PKHD1L1: variants seen among roughly 807,000 people sequenced by gnomAD.
PKHD1L1 encodes fibrocystin-L.
PKHD1L1 carries 434 observed loss-of-function variants against 462.9 expected under a neutral mutation model. That is an observed-to-expected ratio of 0.94 (90% CI 0.87 to 1.02). PKHD1L1 has a LOEUF of 1.02. PKHD1L1 is among the 50% of genes least tolerant of loss of function. PKHD1L1 has a pLI of 0.00. For missense variants in PKHD1L1, 5,202 were observed against 5,096.1 expected, an observed-to-expected ratio of 1.02 and a Z score of -0.63; for synonymous variants, 1,781 against 1,750.0, an observed-to-expected ratio of 1.02 and a Z score of -0.44.
intron 67 of PKHD1L1, among the ~76,000 whole-genome samples, chr8:109,502,658 G>A (rs1257016455): frequency 6.6e-6 from 1 of 152,202 alleles, no homozygotes; most frequent in Non-Finnish European, 1.5e-5. Flanking sequence ...AACCACCATA[G>A]TTTCCTTTTC....
At chr8:109,470,917 G>T in intron 50 of PKHD1L1, 1 of 1,592,650 alleles carries the variant, frequency 6.3e-7, no homozygotes, top group Non-Finnish European at 8.6e-7. Flanking sequence ...CCTGGGGAGA[G>T]AGAAATGAGG....
intron 40 of PKHD1L1, 147 bp downstream of exon 40, chr8:109,449,634 A>G (rs1816371150): frequency 1.7e-6 from 1 of 605,236 alleles, no homozygotes; most frequent in South Asian, 4.4e-5. Flanking sequence ...TCTTCAGGAC[A>G]TTTTCTAGAT....
intron 6 of PKHD1L1, among the ~76,000 whole-genome samples, chr8:109,388,103 C>T (rs1260472555): frequency 6.6e-6 from 1 of 152,116 alleles, no homozygotes; most frequent in Non-Finnish European, 1.5e-5. Flanking sequence ...TAGTACAAAA[C>T]CTATTACAAA....
rs780258763 is a variant in PKHD1L1 at position 109,396,070 on chromosome 8, C to T, written c.855C>T (p.Gly285=). Residue 285 remains glycine (G), a synonymous_variant, in exon 11 of 78, where the codon GGC becomes GGT. Transcript: ENST00000378402. The part of the protein sequence containing the change: ...IFPSQGSIRG[G]TTLTISGRFF... ...CTTCACAAGGAAGCATTCGAGGTGG[C>T]ACCACGCTGACAATAAGTGGGCGTT... The T allele has an allele frequency of 6.2e-7, 1 of 1,608,542 alleles. No individual in the cohort carries two copies. Among genetic ancestry groups the T allele is most frequent in the Non-Finnish European group, 8.5e-7 (1 of 1,177,654 alleles).
At chr8:109,496,783 G>C (rs559947700) in intron 63 of PKHD1L1, 136 bp from the exon 64 acceptor site, 9 of 891,886 alleles carry the variant, frequency 1.0e-5, no homozygotes, top group African/African-American at 3.4e-5. Context: ...AAAAATATTT[G>C]ATCATATTAA....
intron 45 of PKHD1L1, 131 bp downstream of exon 45, chr8:109,454,983 A>T: frequency 8.2e-7 from 1 of 1,222,766 alleles, no homozygotes; most frequent in Non-Finnish European, 1.1e-6. Context: ...ATGTCTTTAG[A>T]TATCCCCTCT....
At chr8:109,463,028 G>A (rs904959033) in intron 48 of PKHD1L1, among the ~76,000 whole-genome samples, 1 of 151,960 alleles carries the variant, frequency 6.6e-6, no homozygotes, top group Non-Finnish European at 1.5e-5. Context: ...TAGGATATCT[G>A]TTTTTATTTA....
intron 62 of PKHD1L1, among the ~76,000 whole-genome samples, 169 bp from the exon 63 acceptor site, chr8:109,493,491 CA>C (rs1369302817): frequency 6.6e-6 from 1 of 151,610 alleles, no homozygotes; most frequent in African/African-American, 2.4e-5. Flanking sequence ...GGTGTAATTT[CA>C]TCATTTGTAA....
At chr8:109,493,191 T>C (rs1818918041) in intron 62 of PKHD1L1, among the ~76,000 whole-genome samples, 1 of 148,218 alleles carries the variant, frequency 6.7e-6, no homozygotes, top group African/African-American at 2.4e-5. Flanking sequence ...ATATATATGT[T>C]ATATGTATTC....
chr8:109,490,961 A>G lies in PKHD1L1; in HGVS notation c.9985-11A>G, dbSNP rs200804614. On this transcript the variant is annotated splice_polypyrimidine_tract_variant and intron_variant, in intron 60 of 77. Coordinates refer to ENST00000378402, the MANE Select transcript of PKHD1L1 (RefSeq NM_177531.6). ...TTTTAAAAATGTTCTCTGTATCCCA[A>G]TGTTGTATAGATTCAAGAACATGGC... 1.1e-4 allele frequency: 175 copies of G among 1,592,746 alleles called. No homozygotes were observed. The highest frequency in any genetic ancestry group is 9.1e-5 in the South Asian group (8 of 87,454).
At chr8:109,483,185 G>T (rs1818357048) in intron 57 of PKHD1L1, 80 bp downstream of exon 57, 2 of 951,408 alleles carry the variant, frequency 2.1e-6, no homozygotes, top group South Asian at 2.5e-5. Context: ...ACTCTCATGG[G>T]CATTCATTTT....
chr8:109,404,939 CT>C, intron 15 of PKHD1L1, 55 bp from the exon 16 acceptor site: 1 of 1,237,936 alleles, frequency 8.1e-7, no homozygotes, highest in Non-Finnish European at 1.1e-6. Context: ...AATTATGATG[CT>C]TTTAAGATAT....
At chr8:109,396,436 A>G (rs1344574167) in intron 11 of PKHD1L1, among the ~76,000 whole-genome samples, 1 of 152,142 alleles carries the variant, frequency 6.6e-6, no homozygotes, top group Non-Finnish European at 1.5e-5. Flanking sequence ...TTAAGGACAC[A>G]CCTACCCTTA....
chr8:109,448,012 A>G, intron 38 of PKHD1L1, 131 bp from the exon 39 acceptor site: 1 of 756,008 alleles, frequency 1.3e-6, no homozygotes, highest in Non-Finnish European at 2.1e-6. Context: ...CATAGCATGT[A>G]TTGTTAATAT....
chr8:109,420,010 G>T (rs1399950470), intron 22 of PKHD1L1, among the ~76,000 whole-genome samples: 2 of 152,078 alleles, frequency 1.3e-5, no homozygotes, highest in African/African-American at 4.8e-5. Flanking sequence ...GTATAAGACA[G>T]ATGGATTGTG....
Position 109,491,092 on chromosome 8 carries a change from G to T in PKHD1L1, c.10105G>T (p.Val3369Leu). 3 of 1,607,624 alleles carry T rather than the reference G, an allele frequency of 1.9e-6. No homozygotes were observed. Residue 3369 changes from valine (V) to leucine (L), a missense_variant, in exon 61 of 78, where the codon GTG becomes TTG. By Grantham distance (32) the Val-to-Leu change is conservative (BLOSUM62 1). Coordinates refer to ENST00000378402, the MANE Select transcript of PKHD1L1 (RefSeq NM_177531.6). The part of the protein sequence containing the change: ...DIDDNIIHFT[V>L]GEGIRIWGNA... ...AGATGACAACATCATTCACTTTACA[G>T]TGGGGGAAGGTAATATAATAATATT...
In PKHD1L1 at chr8:109,445,165, C is replaced by G; in HGVS notation, c.5296C>G (p.Leu1766Val). The G allele has an allele frequency of 6.2e-7, 1 of 1,613,856 alleles. No homozygotes were observed. Among genetic ancestry groups the G allele is most frequent in the South Asian group, 1.1e-5 (1 of 91,074 alleles). ...PNSVIGSVKVLIEGEGLGTVL... is the reference protein window; with the variant it reads ...PNSVIGSVKVVIEGEGLGTVL... The stretch of plus-strand genomic sequence containing the variant: ...CTCTGTCATAGGATCTGTAAAAGTT[C>G]TTATTGAAGGAGAAGGTTTGGGGAC... The change falls in exon 38 of 78, where the codon CTT becomes GTT. Residue 1766 changes from leucine to valine, a missense_variant. Coordinates refer to ENST00000378402, the MANE Select transcript of PKHD1L1 (RefSeq NM_177531.6).
At chr8:109,367,478 G>A (rs373666893) in intron 2 of PKHD1L1, among the ~76,000 whole-genome samples, 5 of 152,212 alleles carry the variant, frequency 3.3e-5, no homozygotes, top group Admixed American at 3.3e-4. Flanking sequence ...ATTCTACCCA[G>A]TAGAAAGATC....
At chr8:109,388,071 G>A (rs1812525707) in intron 6 of PKHD1L1, among the ~76,000 whole-genome samples, 1 of 152,154 alleles carries the variant, frequency 6.6e-6, no homozygotes, top group South Asian at 2.1e-4. Flanking sequence ...TGTGCTGTCT[G>A]TGCTGTTTAC....
Sources: allele counts gnomAD v4.1 joint callset (sites outside exome capture counted in the v4.1 genomes callset), GRCh38; gene constraint gnomAD v4.1.1; transcripts MANE v1.5; gene names NCBI Gene and HGNC (gene_info 2026-07-23, HGNC 2026-07-21).